The following AFF3 variants were observed in gnomAD, a reference collection of about 807,000 sequenced individuals.
AFF3 encodes ALF transcription elongation factor 3, also known as AF4/FMR2 family member 3.
Under a neutral mutation model 129.7 loss-of-function variants are expected in AFF3, and 32 were observed. That is an observed-to-expected ratio of 0.25 (90% CI 0.19 to 0.33). The LOEUF is 0.33. AFF3 is among the 10% of genes least tolerant of loss of function. The pLI is 1.00. For synonymous variants in AFF3, 644 were observed against 635.4 expected (o/e 1.01, Z -0.20); for missense variants, 1,373 against 1,592.0 (o/e 0.86, Z 2.34).
At chr2:99,959,552 C>G (rs1232170879) in intron 7 of AFF3, among the ~76,000 whole-genome samples, 3 of 151,384 alleles carry the variant, frequency 2.0e-5, no homozygotes, top group African/African-American at 7.3e-5. Flanking sequence ...GTTCTCATCA[C>G]AGTTAGGAAA....
At chr2:99,926,716 C>G (rs565540817) in intron 7 of AFF3, among the ~76,000 whole-genome samples, 287 of 151,782 alleles carry the variant, frequency 1.9e-3, no homozygotes, top group Non-Finnish European at 3.2e-3. Flanking sequence ...CTGGGGGTTA[C>G]AGAGGATTAA....
At chr2:99,566,620 T>C (rs1407049757) in intron 19 of AFF3, among the ~76,000 whole-genome samples, 1 of 152,200 alleles carries the variant, frequency 6.6e-6, no homozygotes, top group Non-Finnish European at 1.5e-5. Flanking sequence ...TTTCCCCACA[T>C]CAGCAAGGGC....
At chr2:99,634,964 T>TACACACACACACACACACACAC (rs201362666) in intron 13 of AFF3, among the ~76,000 whole-genome samples, 1 of 137,710 alleles carries the variant, frequency 7.3e-6, no homozygotes, top group African/African-American at 2.7e-5. Context: ...GATTCTGTCA[T>TACACACACACACACACACACAC]ACACACACAC....
At chr2:100,031,518 A>G (rs1220723532) in intron 4 of AFF3, among the ~76,000 whole-genome samples, 2 of 152,232 alleles carry the variant, frequency 1.3e-5, no homozygotes, top group Admixed American at 6.5e-5. Flanking sequence ...CCCAGTAGCA[A>G]TGAGTACACC....
At chr2:99,733,378 CAA>C (rs60106625) in intron 10 of AFF3, among the ~76,000 whole-genome samples, 3 of 134,570 alleles carry the variant, frequency 2.2e-5, no homozygotes. Context: ...AGACTCCGTC[CAA>C]AAAAAAAAAA....
At chr2:99,741,211 CT>C (rs1680690523) in intron 10 of AFF3, among the ~76,000 whole-genome samples, 1 of 152,100 alleles carries the variant, frequency 6.6e-6, no homozygotes, top group African/African-American at 2.4e-5. Context: ...GTTGGAAGTT[CT>C]GGCCAGGGCA....
intron 1 of AFF3, among the ~76,000 whole-genome samples, chr2:100,132,256 A>C (rs1028673636): frequency 6.6e-6 from 1 of 152,208 alleles, no homozygotes; most frequent in Non-Finnish European, 1.5e-5. Flanking sequence ...CAACACACAC[A>C]AAATAAGTAA....
chr2:99,642,319 CT>C (rs1392425135), intron 13 of AFF3, among the ~76,000 whole-genome samples: 1 of 149,932 alleles, frequency 6.7e-6, no homozygotes, highest in Non-Finnish European at 1.5e-5. Context: ...TTCTTGCCTA[CT>C]TTTGGACTGA....
chr2:99,734,653 T>A (rs1464122057), intron 10 of AFF3, among the ~76,000 whole-genome samples: 1 of 152,014 alleles, frequency 6.6e-6, no homozygotes, highest in Non-Finnish European at 1.5e-5. Context: ...AATATTTTAA[T>A]ATAATTAATC....
intron 8 of AFF3, among the ~76,000 whole-genome samples, chr2:99,776,827 C>T (rs1683939114): frequency 6.6e-6 from 1 of 152,208 alleles, no homozygotes; most frequent in Non-Finnish European, 1.5e-5. Flanking sequence ...AAGGGCTCGG[C>T]TCTGAGGCAT....
Position 99,837,511 on chromosome 2 carries a change from C to G in AFF3, c.887G>C (p.Gly296Ala). 1 of 1,613,672 alleles carries G rather than the reference C, an allele frequency of 6.2e-7. No homozygotes were observed. Among genetic ancestry groups the G allele is most frequent in the East Asian group, 2.2e-5 (1 of 44,862 alleles). ...IPKQGEESRS[G>A]ETNSCVEEII... ...TTCTTCAACACAGCTGTTGGTTTCT[C>G]CAGATCTACTCTCCTGAAAGCAAAG... Residue 296 changes from glycine (G) to alanine (A), a missense_variant, in exon 8 of 25, where the codon GGA becomes GCA. Physicochemically the swap from Gly to Ala is moderately conservative, Grantham distance 60. Around this residue, in one of 9 missense-constraint regions of AFF3, gnomAD observed 413 missense variants for 424.4 expected, o/e 0.97. Transcript: ENST00000672756.
intron 3 of AFF3, 174 bp downstream of exon 3, chr2:100,105,330 C>G (rs1219092593): frequency 8.3e-7 from 1 of 1,207,456 alleles, no homozygotes; most frequent in East Asian, 5.6e-5. Context: ...GCGCCCCAAA[C>G]AAACCGTTTA....
chr2:99,761,572 CT>C (rs1388295594), intron 8 of AFF3, among the ~76,000 whole-genome samples: 1 of 152,186 alleles, frequency 6.6e-6, no homozygotes, highest in African/African-American at 2.4e-5. Context: ...CGTAGCAGCT[CT>C]TTGTTACCAA....
rs531499524 is a variant in AFF3 at position 100,070,616 on chromosome 2, T to A, written c.53+33786A>T. Among the ~76,000 whole-genome samples the A allele has an allele frequency of 4.6e-5, 7 of 152,318 alleles. No homozygotes were observed. The South Asian group carries it at 1.2e-3, about 27-fold the overall frequency. ...TGCACACCGTTTCATACATGATAAT[T>A]TTTTTTCCATTAAAACACTTAGTTT... On this transcript the variant is annotated intron_variant, in intron 4 of 24. Transcript: ENST00000672756.
chr2:100,029,092 A>G (rs1271557410), intron 4 of AFF3, among the ~76,000 whole-genome samples: 1 of 152,218 alleles, frequency 6.6e-6, no homozygotes, highest in African/African-American at 2.4e-5. Flanking sequence ...CCTTAAGAAG[A>G]AAGAAAATCC....
intron 12 of AFF3, among the ~76,000 whole-genome samples, chr2:99,653,374 C>T (rs183920656): frequency 1.3e-5 from 2 of 152,164 alleles, no homozygotes; most frequent in African/African-American, 4.8e-5. Context: ...TGAATTTCTC[C>T]CTAGTCATGG....
At chr2:99,775,485 TATA>T (rs1287601885) in intron 8 of AFF3, among the ~76,000 whole-genome samples, 1 of 152,078 alleles carries the variant, frequency 6.6e-6, no homozygotes, top group Non-Finnish European at 1.5e-5. Flanking sequence ...TGTTCTCACT[TATA>T]AGTGGGAGCT....
At chr2:99,648,917 A>ACACTCTCTCTCTCTCTCTCTCTCTCT in intron 13 of AFF3, among the ~76,000 whole-genome samples, 2 of 46,874 alleles carry the variant, frequency 4.3e-5, no homozygotes, top group African/African-American at 1.3e-4. Flanking sequence ...ACACACACAC[A>ACACTCTCTCTCTCTCTCTCTCTCTCT]CTCTCTCTCT....
intron 8 of AFF3, among the ~76,000 whole-genome samples, chr2:99,819,514 C>T (rs1687486826): frequency 6.6e-6 from 1 of 152,158 alleles, no homozygotes; most frequent in Non-Finnish European, 1.5e-5. Flanking sequence ...TTCCTTCAAT[C>T]TCAGATTTAC....
Sources: gnomAD v4.1 joint callset for allele counts (sites outside exome capture counted in the v4.1 genomes callset) on GRCh38, gnomAD v4.1.1 for gene constraint, gnomAD v4.1.1 regional missense constraint, MANE v1.5 for transcripts, NCBI Gene and HGNC (gene_info 2026-07-23, HGNC 2026-07-21) for gene names.